RFTN1: variants seen among roughly 807,000 people sequenced by gnomAD.
RFTN1 encodes the protein raftlin, lipid raft linker 1, also known as raftlin.
A neutral mutation model predicts 46.5 loss-of-function variants in RFTN1; 26 were observed. The ratio of observed to expected loss-of-function variants is 0.56; its 90% CI spans 0.41 to 0.78. RFTN1 has a LOEUF of 0.78. Among genes scored for constraint, RFTN1 ranks in the 30% least tolerant of loss-of-function variants. RFTN1 has a pLI of 0.00. For synonymous variants in RFTN1, 261 were observed against 284.2 expected (o/e 0.92, Z 0.82); for missense variants, 693 against 718.7 (o/e 0.96, Z 0.41).
At position 16,452,890 on chromosome 3, in the gene RFTN1, T is replaced by C. The variant is rs1393565167; in HGVS notation, c.146-18853A>G. Among the ~76,000 whole-genome samples, 1 of 152,216 alleles carries C rather than the reference T, an allele frequency of 6.6e-6. No homozygotes were observed. The highest frequency in any genetic ancestry group is 1.5e-5 in the Non-Finnish European group (1 of 68,040). Reference sequence around the variant, plus strand: ...AAATGCTGCTTTTTAATCTCCTTTTTTGAGCAAATGGTTTCAATGTATTTT... The same window carrying C: ...AAATGCTGCTTTTTAATCTCCTTTTCTGAGCAAATGGTTTCAATGTATTTT... On this transcript the variant is annotated intron_variant, in intron 2 of 9. Transcript: ENST00000334133. This position sits in a 1 kb window ranked among gnomAD's most constrained non-coding sequence, Gnocchi z 6.3.
chr3:16,326,766 T>A lies in RFTN1; in HGVS notation c.1250+7A>T, dbSNP rs368117034. 5.6e-6 allele frequency: 9 copies of A among 1,607,302 alleles called. No homozygotes were observed. Among genetic ancestry groups the A allele is most frequent in the Non-Finnish European group, 5.1e-6 (6 of 1,173,796 alleles). Reference sequence around the variant, plus strand: ...AATAGAATCCTAATGATTACTGTTATTGTTACCTGGTAGTCTTGACGACGG... The same window carrying A: ...AATAGAATCCTAATGATTACTGTTAATGTTACCTGGTAGTCTTGACGACGG... On this transcript the variant is annotated splice_region_variant and intron_variant, in intron 8 of 9. Coordinates refer to ENST00000334133, the MANE Select transcript of RFTN1 (RefSeq NM_015150.2).
intron 6 of RFTN1, among the ~76,000 whole-genome samples, chr3:16,368,961 C>T (rs1451473136): frequency 6.6e-6 from 1 of 152,184 alleles, no homozygotes; most frequent in Middle Eastern, 3.2e-3. Flanking sequence ...AAGCCAATCA[C>T]CTTTCTTGTG....
intron 7 of RFTN1, chr3:16,347,903 T>C (rs1456069853): frequency 2.6e-5 from 4 of 152,204 alleles, no homozygotes; most frequent in Admixed American, 6.5e-5. Context: ...AAGTAACTTA[T>C]TAAGGATGTG....
intron 4 of RFTN1, among the ~76,000 whole-genome samples, chr3:16,397,497 C>T (rs926867858): frequency 6.6e-6 from 1 of 151,944 alleles, no homozygotes; most frequent in East Asian, 1.9e-4. Context: ...GCGCTCTTAC[C>T]GCAAAAATGG....
At chr3:16,496,921 T>G (rs2076635137) in intron 1 of RFTN1, among the ~76,000 whole-genome samples, 1 of 152,140 alleles carries the variant, frequency 6.6e-6, no homozygotes, top group Non-Finnish European at 1.5e-5. Context: ...GATTACACAC[T>G]ACATTAATGA....
chr3:16,361,763 G>A lies in RFTN1; in HGVS notation c.1031-3716C>T, dbSNP rs977358343. 2.6e-5 allele frequency among the ~76,000 whole-genome samples: 4 copies of A among 152,210 alleles called. No individual in the cohort carries two copies. The highest frequency in any genetic ancestry group is 4.4e-5 in the Non-Finnish European group (3 of 68,040). ...TGGGATATTAGCAGGTGTAATGCAA[G>A]CAGAGACATAAAAAGCACGTGTGTG... On this transcript the variant is annotated intron_variant, in intron 6 of 9. Coordinates refer to ENST00000334133, the MANE Select transcript of RFTN1 (RefSeq NM_015150.2). This position sits in a 1 kb window ranked among gnomAD's most constrained non-coding sequence, Gnocchi z 4.3.
intron 6 of RFTN1, among the ~76,000 whole-genome samples, chr3:16,364,180 G>A (rs1231130728): frequency 6.6e-6 from 1 of 152,188 alleles, no homozygotes; most frequent in African/African-American, 2.4e-5. Flanking sequence ...AAGTTGCAGC[G>A]CCATTTAACT....
chr3:16,372,984 C>T (rs771571035), intron 5 of RFTN1, among the ~76,000 whole-genome samples: 2 of 152,228 alleles, frequency 1.3e-5, no homozygotes, highest in African/African-American at 2.4e-5. Flanking sequence ...TTTCTCTACC[C>T]ACATGGAAAC....
intron 2 of RFTN1, among the ~76,000 whole-genome samples, chr3:16,471,700 T>TA (rs1371147748): frequency 2.0e-5 from 3 of 152,180 alleles, no homozygotes; most frequent in Non-Finnish European, 4.4e-5. Context: ...CCAAGTTCCT[T>TA]AAGCATTCTA....
rs1369323834 is a variant in RFTN1, at chr3:16,362,439, C to G, written c.1031-4392G>C. Among the ~76,000 whole-genome samples, 6 of 152,236 alleles carry G rather than the reference C, an allele frequency of 3.9e-5. No homozygotes were observed. In the East Asian group the frequency reaches 1.2e-3, roughly 29 times the overall value. On this transcript the variant is annotated intron_variant, in intron 6 of 9. Transcript: ENST00000334133. ...ATCACATCACAAGTATTTTGGGGTC[C>G]AAGGTGAGTATGGACCATAGTCCAG...
intron 4 of RFTN1, among the ~76,000 whole-genome samples, chr3:16,404,579 C>T (rs1273103911): frequency 1.3e-5 from 2 of 150,804 alleles, no homozygotes; most frequent in Admixed American, 6.7e-5. Context: ...GAACAGCCTT[C>T]CTTCTCTTTT....
Position 16,499,347 on chromosome 3 carries a change from C to A in RFTN1, c.-8-5470G>T, listed in dbSNP as rs1175776196. ...ACACAGTTCCAGTTTCTGGACCCAGCTTTAAGAAACTTGAGAGCATTTACT... is the reference window on the plus strand; with the variant it reads ...ACACAGTTCCAGTTTCTGGACCCAGATTTAAGAAACTTGAGAGCATTTACT... On this transcript the variant is annotated intron_variant, in intron 1 of 9. Transcript: ENST00000334133. This position sits in a 1 kb window ranked among gnomAD's most constrained non-coding sequence, Gnocchi z 4.9. Among the ~76,000 whole-genome samples, 4 of 152,192 alleles carry A rather than the reference C, an allele frequency of 2.6e-5. No homozygotes were observed. Among genetic ancestry groups the A allele is most frequent in the African/African-American group, 9.7e-5 (4 of 41,448 alleles).
intron 2 of RFTN1, among the ~76,000 whole-genome samples, chr3:16,434,351 C>T (rs1319286703): frequency 6.9e-6 from 1 of 145,856 alleles, no homozygotes; most frequent in Non-Finnish European, 1.5e-5. Context: ...TAGTAAAACT[C>T]GGTCTCTCTT....
rs1312328541 is a variant in RFTN1 at position 16,413,649 on chromosome 3, G to A, written c.333-4166C>T. On this transcript the variant is annotated intron_variant, in intron 3 of 9. Transcript: ENST00000334133. This position sits in a 1 kb window ranked among gnomAD's most constrained non-coding sequence, Gnocchi z 4.7. The stretch of plus-strand genomic sequence containing the variant: ...ATGCATTTCTGGAGACGTACACAGG[G>A]TTAACTAACAGCAAAAGCCCCCCCA... Among the ~76,000 whole-genome samples the A allele has an allele frequency of 6.6e-6, 1 of 152,148 alleles. No individual in the cohort carries two copies.
intron 7 of RFTN1, chr3:16,347,713 G>A (rs1282739177): frequency 6.6e-6 from 1 of 152,230 alleles, no homozygotes; most frequent in African/African-American, 2.4e-5. Flanking sequence ...AGAGGAGAGA[G>A]GAGGATTCAG....
In RFTN1 at chr3:16,404,261, TATATA is replaced by T. The variant is rs1383588120; in HGVS notation, c.441+5109_441+5113del. Among the ~76,000 whole-genome samples, 2 of 32,220 alleles carry T rather than the reference TATATA, an allele frequency of 6.2e-5. 1 individual carries two copies. The highest frequency in any genetic ancestry group is 9.7e-5 in the Non-Finnish European group (2 of 20,710). 21.1% of individuals were successfully genotyped at this position (32,220 alleles called of 152,430 possible). A position where few individuals can be genotyped will look rare whatever the true frequency, so the allele number is the denominator to read the frequency against. On this transcript the variant is annotated intron_variant, in intron 4 of 9. Transcript: ENST00000334133. ...TATATATTTTATATATAATATATAA[TATATA>T]ATATATATAATATGTAATATATAAT...
At chr3:16,390,975 G>A (rs989002914) in intron 4 of RFTN1, among the ~76,000 whole-genome samples, 4 of 152,066 alleles carry the variant, frequency 2.6e-5, no homozygotes, top group African/African-American at 9.7e-5. Flanking sequence ...TACCCCCCAT[G>A]ACAACCTTTT....
In RFTN1 at chr3:16,323,365, A is replaced by C. The variant is rs751034312; in HGVS notation, c.1332+11T>G. 1 of 1,594,258 alleles carries C rather than the reference A, an allele frequency of 6.3e-7. No individual in the cohort carries two copies. The highest frequency in any genetic ancestry group is 1.1e-5 in the South Asian group (1 of 90,712). Reference sequence around the variant, plus strand: ...TGAGGAAAACCTAGGAAGGCCATCAAAGTCTCTTACCTTCGATTCCTTCTT... The same window carrying C: ...TGAGGAAAACCTAGGAAGGCCATCACAGTCTCTTACCTTCGATTCCTTCTT... On this transcript the variant is annotated intron_variant, in intron 9 of 9. Coordinates refer to ENST00000334133, the MANE Select transcript of RFTN1 (RefSeq NM_015150.2).
chr3:16,359,243 G>C (rs1009303409), intron 6 of RFTN1, among the ~76,000 whole-genome samples: 2 of 152,060 alleles, frequency 1.3e-5, no homozygotes, highest in Admixed American at 6.6e-5. Context: ...TCTTTCAAGG[G>C]CTAGGTCTCT....
Sources: gnomAD v4.1 joint callset for allele counts (sites outside exome capture counted in the v4.1 genomes callset) on GRCh38, gnomAD v4.1.1 for gene constraint, Gnocchi (gnomAD v3.1) non-coding constraint, MANE v1.5 for transcripts, NCBI Gene and HGNC (gene_info 2026-07-23, HGNC 2026-07-21) for gene names.